The following EZH1 variants were observed in gnomAD, a reference collection of about 807,000 sequenced individuals.
EZH1 encodes the protein histone-lysine N-methyltransferase EZH1.
EZH1 carries 33 observed loss-of-function variants against 100.5 expected under a neutral mutation model. That is an observed-to-expected ratio of 0.33 (90% CI 0.25 to 0.44). The LOEUF (loss-of-function observed/expected upper bound fraction) is 0.44, where lower values mean the gene tolerates loss of function less well. Ranked by LOEUF, EZH1 falls within the 20% of genes least tolerant of loss-of-function variation. EZH1 has a pLI of 1.00. For missense variants in EZH1, 475 were observed against 928.4 expected, an observed-to-expected ratio of 0.51 and a Z score of 6.35; for synonymous variants, 272 against 313.8, an observed-to-expected ratio of 0.87 and a Z score of 1.41.
rs539736235 is a variant in EZH1 at position 42,736,827 on chromosome 17, G to A, written c.-102-5909C>T. ...GAATGCGCCACTGCACTCCAGCCTG[G>A]GGAACAGAGCGAGACTCTGCCTCAT... On this transcript the variant is annotated intron_variant, in intron 1 of 20. Coordinates refer to ENST00000428826, the MANE Select transcript of EZH1 (RefSeq NM_001991.5). Among the ~76,000 whole-genome samples the A allele has an allele frequency of 1.1e-4, 17 of 151,824 alleles. No individual in the cohort carries two copies. The South Asian group carries it at 2.7e-3, about 24-fold the overall frequency.
At chr17:42,743,641 T>A (rs1321644226) in intron 1 of EZH1, among the ~76,000 whole-genome samples, 2 of 151,728 alleles carry the variant, frequency 1.3e-5, no homozygotes, top group African/African-American at 2.4e-5. Context: ...GGCTATTTTT[T>A]TTTTGTAGAG....
At chr17:42,738,992 G>A (rs1267610788) in intron 1 of EZH1, among the ~76,000 whole-genome samples, 1 of 151,684 alleles carries the variant, frequency 6.6e-6, no homozygotes, top group African/African-American at 2.4e-5. Context: ...TCCTGACCTC[G>A]TGATCCACCT....
chr17:42,743,059 G>A (rs1422857469), intron 1 of EZH1, among the ~76,000 whole-genome samples: 1 of 152,004 alleles, frequency 6.6e-6, no homozygotes, highest in Non-Finnish European at 1.5e-5. Context: ...TGTAGAGAAG[G>A]AGTTTCGCCA....
intron 2 of EZH1, 111 bp downstream of exon 2, chr17:42,730,717 C>A (rs181740770): frequency 4.1e-6 from 1 of 246,466 alleles, no homozygotes; most frequent in Non-Finnish European, 6.5e-6. Context: ...AGGATGGTCT[C>A]GATCTCCTGA....
intron 1 of EZH1, among the ~76,000 whole-genome samples, chr17:42,740,204 T>G (rs924699967): frequency 6.6e-6 from 1 of 151,604 alleles, no homozygotes; most frequent in East Asian, 1.9e-4. Flanking sequence ...CATGCCACCA[T>G]GCCTGGCTAA....
chr17:42,724,138 A>AT (rs2053771297), intron 5 of EZH1, among the ~76,000 whole-genome samples, 167 bp downstream of exon 5: 1 of 152,184 alleles, frequency 6.6e-6, no homozygotes, highest in Admixed American at 6.6e-5. Flanking sequence ...AGTTAGAACA[A>AT]CTTGCAATAT....
intron 2 of EZH1, among the ~76,000 whole-genome samples, chr17:42,730,073 A>AC (rs938462453): frequency 6.6e-5 from 10 of 152,108 alleles, no homozygotes; most frequent in African/African-American, 2.2e-4. Context: ...AAACAAAAAA[A>AC]AACAACAACA....
intron 17 of EZH1, 34 bp from the exon 18 acceptor site, chr17:42,704,717 C>G (rs757666571): frequency 6.3e-7 from 1 of 1,579,744 alleles, no homozygotes; most frequent in Non-Finnish European, 8.7e-7. Context: ...ATAGGAGTAT[C>G]AGGCTGCCTG....
chr17:42,710,000 C>T, intron 12 of EZH1, 63 bp from the exon 13 acceptor site: 1 of 1,439,810 alleles, frequency 6.9e-7, no homozygotes. Flanking sequence ...AGTGGCCCAG[C>T]TGGGTGCTGG....
intron 12 of EZH1, among the ~76,000 whole-genome samples, chr17:42,710,650 G>C (rs1298234271): frequency 7.2e-6 from 1 of 137,986 alleles, no homozygotes; most frequent in Non-Finnish European, 1.6e-5. Context: ...TTTTTTTTAA[G>C]AGAGAGGGTC....
At chr17:42,734,638 C>T (rs1055176985) in intron 1 of EZH1, among the ~76,000 whole-genome samples, 3 of 145,322 alleles carry the variant, frequency 2.1e-5, no homozygotes, top group Non-Finnish European at 4.5e-5. Flanking sequence ...CTCTGTACTC[C>T]AGCCTGGGTG....
At chr17:42,712,812 C>T (rs556643641) in intron 11 of EZH1, among the ~76,000 whole-genome samples, 9 of 151,564 alleles carry the variant, frequency 5.9e-5, no homozygotes, top group East Asian at 1.9e-4. Flanking sequence ...CCGAGGCAGG[C>T]GGATCACCTG....
At chr17:42,719,230 C>T in intron 7 of EZH1, 23 bp from the exon 8 acceptor site, 2 of 1,557,876 alleles carry the variant, frequency 1.3e-6, no homozygotes, top group Non-Finnish European at 1.8e-6. Context: ...TGATAAAAAG[C>T]TCCTGAGTGC....
At chr17:42,734,521 G>A (rs966014459) in intron 1 of EZH1, among the ~76,000 whole-genome samples, 7 of 151,848 alleles carry the variant, frequency 4.6e-5, no homozygotes, top group African/African-American at 1.2e-4. Flanking sequence ...AAAATTACCC[G>A]GGCATGGTAG....
At position 42,713,490 on chromosome 17, in the gene EZH1, T is replaced by C. The variant is rs1251235997; in HGVS notation, c.1024-101A>G. On this transcript the variant is annotated intron_variant, in intron 10 of 20. Transcript: ENST00000428826. ...TCTTTACAACATCTGTCTACAATAA[T>C]AGTGTCTTTTCTTTTTCTCTGTACC... 15 of 1,101,976 alleles carry C rather than the reference T, an allele frequency of 1.4e-5. No homozygotes were observed. In the South Asian group the frequency reaches 1.6e-4, roughly 11 times the overall value. The allele number at this position is 1,101,976 out of a possible 1,614,324, so 68.3% of individuals were successfully genotyped here. A position where few individuals can be genotyped will look rare whatever the true frequency, so the allele number is the denominator to read the frequency against.
chr17:42,743,806 T>C (rs2054224553), intron 1 of EZH1, among the ~76,000 whole-genome samples: 1 of 152,128 alleles, frequency 6.6e-6, no homozygotes, highest in Non-Finnish European at 1.5e-5. Context: ...CCTATGTAAG[T>C]AATCTCTTTT....
Position 42,717,995 on chromosome 17 carries a change from G to T in EZH1, c.1004C>A (p.Thr335Lys). The T allele has an allele frequency of 6.2e-7, 1 of 1,614,174 alleles. No individual in the cohort carries two copies. The highest frequency in any genetic ancestry group is 1.3e-5 in the African/African-American group (1 of 75,068). The part of the protein sequence containing the change: ...EIKIEPEPCG[T>K]DCFLLLEGAK... ...ACATACCAGCAAAAGGAAGCAGTCT[G>T]TGCCACATGGTTCTGGTTCAATCTT... is the stretch of plus-strand genomic sequence containing the variant. Residue 335 changes from threonine (T) to lysine (K), a missense_variant, in exon 10 of 21, where the codon ACA becomes AAA. Physicochemically the swap from Thr to Lys is moderately conservative, Grantham distance 78. This residue lies in a region of EZH1 where 180 missense variants were observed against 295.3 expected (regional missense o/e 0.61). Transcript: ENST00000428826.
rs1409276025 is a variant in EZH1 at position 42,718,441 on chromosome 17, T to A, written c.931+13A>T. On this transcript the variant is annotated intron_variant, in intron 9 of 20. Transcript: ENST00000428826. This position sits in a 1 kb window ranked among gnomAD's most constrained non-coding sequence, Gnocchi z 4.2. ...AGAGAGGAGAGCATTTCAAACAGAG[T>A]AGCCCCACTCACGGTGAAGGAAGCA... is the stretch of plus-strand genomic sequence containing the variant. The A allele has an allele frequency of 1.9e-6, 3 of 1,612,300 alleles. No homozygotes were observed. In the African/African-American group the frequency reaches 4.0e-5, roughly 22 times the overall value.
chr17:42,744,449 C>T (rs2054239398), intron 1 of EZH1, among the ~76,000 whole-genome samples: 1 of 152,158 alleles, frequency 6.6e-6, no homozygotes, highest in African/African-American at 2.4e-5. Context: ...CGTGAGGAGG[C>T]GCTCACTGCA....
Sources: gnomAD v4.1 joint callset for allele counts (sites outside exome capture counted in the v4.1 genomes callset) on GRCh38, gnomAD v4.1.1 for gene constraint, gnomAD v4.1.1 regional missense constraint, Gnocchi (gnomAD v3.1) non-coding constraint, MANE v1.5 for transcripts, NCBI Gene and HGNC (gene_info 2026-07-23, HGNC 2026-07-21) for gene names.